The following MGMT variants were observed in gnomAD, a reference collection of about 807,000 sequenced individuals.
The protein encoded by MGMT is O-6-methylguanine-DNA methyltransferase.
In MGMT, 14 loss-of-function variants were observed where a neutral mutation model predicts 15.9. The ratio of observed to expected loss-of-function variants is 0.88; its 90% CI spans 0.58 to 1.37. MGMT has a LOEUF of 1.37. MGMT is among the 40% of genes most tolerant of loss of function. The probability of loss-of-function intolerance (pLI) is 0.00; values close to 1 mark genes in which losing one functional copy is unlikely to be tolerated. For synonymous variants in MGMT, 130 were observed against 118.2 expected, an observed-to-expected ratio of 1.10 and a Z score of -0.65; for missense variants, 282 against 268.1, an observed-to-expected ratio of 1.05 and a Z score of -0.36.
Position 129,688,179 on chromosome 10 carries a change from G to A in MGMT, c.126-19716G>A, listed in dbSNP as rs1360341146. On this transcript the variant is annotated intron_variant, in intron 2 of 4. Coordinates refer to ENST00000651593, the MANE Select transcript of MGMT (RefSeq NM_002412.5). The stretch of plus-strand genomic sequence containing the variant: ...TGTGCATGTGCCTTTATAGCAGCAT[G>A]ATTTATAATCCTTGGGGTATATGTC... 2.0e-5 allele frequency among the ~76,000 whole-genome samples: 3 copies of A among 152,214 alleles called. No homozygotes were observed. In the East Asian group the frequency reaches 5.8e-4, roughly 29 times the overall value.
intron 2 of MGMT, among the ~76,000 whole-genome samples, chr10:129,643,277 G>A (rs1182076858): frequency 2.0e-5 from 3 of 152,210 alleles, no homozygotes; most frequent in African/African-American, 7.2e-5. Flanking sequence ...ATCTACAAGA[G>A]AATAGAAAGT....
intron 2 of MGMT, among the ~76,000 whole-genome samples, chr10:129,690,560 C>T (rs1019101500): frequency 6.6e-6 from 1 of 152,186 alleles, no homozygotes; most frequent in Admixed American, 6.5e-5. Flanking sequence ...TTAAGGGTGG[C>T]ACATGGAGGG....
At chr10:129,478,381 CTGTT>C (rs923553632) in intron 1 of MGMT, among the ~76,000 whole-genome samples, 79 of 152,324 alleles carry the variant, frequency 5.2e-4, no homozygotes, top group African/African-American at 1.7e-3. Flanking sequence ...CTCTCTGAGA[CTGTT>C]TGGAGGTCTC....
At position 129,501,294 on chromosome 10, in the gene MGMT, G is replaced by C. The variant is rs547538269; in HGVS notation, c.-13+33998G>C. ...GAGCTACCCTGCCTCCTGCGGGGGTGGGGGAGGATGCCTTTATTATCTCTA... is the reference window on the plus strand; with the variant it reads ...GAGCTACCCTGCCTCCTGCGGGGGTCGGGGAGGATGCCTTTATTATCTCTA... On this transcript the variant is annotated intron_variant, in intron 1 of 4. Coordinates refer to ENST00000651593, the MANE Select transcript of MGMT (RefSeq NM_002412.5). Among the ~76,000 whole-genome samples, 44 of 152,276 alleles carry C rather than the reference G, an allele frequency of 2.9e-4. No homozygotes were observed. The South Asian group carries it at 7.3e-3, about 25-fold the overall frequency.
intron 2 of MGMT, among the ~76,000 whole-genome samples, chr10:129,653,722 A>T (rs950217590): frequency 6.6e-6 from 1 of 152,228 alleles, no homozygotes; most frequent in Non-Finnish European, 1.5e-5. Flanking sequence ...AGCCGAATGG[A>T]CAGGCCTCAG....
chr10:129,648,425 G>C (rs2133095637), intron 2 of MGMT, among the ~76,000 whole-genome samples: 1 of 151,728 alleles, frequency 6.6e-6, no homozygotes, highest in Non-Finnish European at 1.5e-5. Flanking sequence ...TCAATTTTCA[G>C]ACTTTGCATT....
intron 2 of MGMT, among the ~76,000 whole-genome samples, chr10:129,657,715 ACACACACACACACC>A (rs1564750891): frequency 1.3e-4 from 20 of 148,322 alleles, no homozygotes; most frequent in South Asian, 4.3e-4. Flanking sequence ...ACGCACACAC[ACACACACACACACC>A]CCCTCTCCCC....
chr10:129,649,653 T>C (rs1847434785), intron 2 of MGMT, among the ~76,000 whole-genome samples: 1 of 152,184 alleles, frequency 6.6e-6, no homozygotes, highest in South Asian at 2.1e-4. Context: ...AGACGGACTC[T>C]TCAGAGACCA....
intron 2 of MGMT, among the ~76,000 whole-genome samples, chr10:129,652,282 T>G (rs927975991): frequency 6.6e-6 from 1 of 152,222 alleles, no homozygotes; most frequent in Non-Finnish European, 1.5e-5. Context: ...CTCCTTCCTC[T>G]GGCCCCAGCA....
At chr10:129,521,744 C>T (rs1845813149) in intron 1 of MGMT, among the ~76,000 whole-genome samples, 1 of 152,192 alleles carries the variant, frequency 6.6e-6, no homozygotes, top group Non-Finnish European at 1.5e-5. Flanking sequence ...GTGTGCTGTC[C>T]ACCCCAGGCC....
chr10:129,663,142 G>T (rs1392170267), intron 2 of MGMT, among the ~76,000 whole-genome samples: 2 of 152,138 alleles, frequency 1.3e-5, no homozygotes, highest in Non-Finnish European at 2.9e-5. Context: ...CAAAAATTAG[G>T]TTATGAAGAA....
chr10:129,643,214 A>G (rs938769948), intron 2 of MGMT, among the ~76,000 whole-genome samples: 1 of 152,078 alleles, frequency 6.6e-6, no homozygotes, highest in Non-Finnish European at 1.5e-5. Context: ...AGCGTCCCCC[A>G]TGGCAGGTGA....
chr10:129,763,272 A>G (rs919581300), intron 4 of MGMT, among the ~76,000 whole-genome samples: 2 of 152,236 alleles, frequency 1.3e-5, no homozygotes, highest in African/African-American at 4.8e-5. Context: ...CATAGAGGGT[A>G]CAGATCCTTT....
intron 2 of MGMT, among the ~76,000 whole-genome samples, chr10:129,595,140 T>G (rs1489673427): frequency 6.6e-6 from 1 of 152,150 alleles, no homozygotes; most frequent in African/African-American, 2.4e-5. Flanking sequence ...TCATTTCAAG[T>G]CCTTTTGTAG....
At chr10:129,652,802 G>A (rs942651404) in intron 2 of MGMT, among the ~76,000 whole-genome samples, 24 of 152,368 alleles carry the variant, frequency 1.6e-4, no homozygotes, top group African/African-American at 5.5e-4. Flanking sequence ...CGCACCCACG[G>A]GGTGACGTGT....
intron 1 of MGMT, chr10:129,467,511 G>A (rs1375382386): frequency 8.3e-6 from 7 of 843,576 alleles, no homozygotes; most frequent in Non-Finnish European, 1.0e-5. Context: ...ACTAGGCTGC[G>A]CTGCAGTGAC....
At chr10:129,628,927 C>G (rs1018414048) in intron 2 of MGMT, among the ~76,000 whole-genome samples, 1 of 152,166 alleles carries the variant, frequency 6.6e-6, no homozygotes, top group Admixed American at 6.5e-5. Flanking sequence ...CAGCAACAGC[C>G]ATTGAAACTC....
chr10:129,551,491 A>G (rs1197401648), intron 2 of MGMT, among the ~76,000 whole-genome samples: 1 of 152,060 alleles, frequency 6.6e-6, no homozygotes, highest in Non-Finnish European at 1.5e-5. Flanking sequence ...CACCCTCAGG[A>G]AGCAGGCCCC....
rs998630663 is a variant in MGMT, at chr10:129,688,929, G to GT, written c.126-18956dup. ...TAGTGGGTTTTCTGTTTATGGGTTT[G>GT]TTTTTTTTTTAGAAAATGTGTTCTT... On this transcript the variant is annotated intron_variant, in intron 2 of 4. Coordinates refer to ENST00000651593, the MANE Select transcript of MGMT (RefSeq NM_002412.5). Among the ~76,000 whole-genome samples, 393 of 146,526 alleles carry GT rather than the reference G, an allele frequency of 2.7e-3. 2 individuals carry two copies. Among genetic ancestry groups the GT allele is most frequent in the African/African-American group, 6.5e-3 (261 of 40,020 alleles).
Sources: gnomAD v4.1 joint callset for allele counts (sites outside exome capture counted in the v4.1 genomes callset) on GRCh38, gnomAD v4.1.1 for gene constraint, MANE v1.5 for transcripts, NCBI Gene and HGNC (gene_info 2026-07-23, HGNC 2026-07-21) for gene names.